FLI1: variants seen among roughly 807,000 people sequenced by gnomAD.
FLI1 encodes Fli-1 proto-oncogene, ETS transcription factor.
In FLI1, 13 loss-of-function variants were observed where a neutral mutation model predicts 53.1. The ratio of observed to expected loss-of-function variants is 0.24; its 90% CI spans 0.16 to 0.39. FLI1 has a LOEUF of 0.39. FLI1 is among the 10% of genes least tolerant of loss of function. The pLI, the probability that FLI1 is intolerant of heterozygous loss-of-function variation, is 1.00. For missense variants in FLI1, 424 were observed against 600.5 expected, an observed-to-expected ratio of 0.71 and a Z score of 3.07; for synonymous variants, 244 against 236.7, an observed-to-expected ratio of 1.03 and a Z score of -0.28.
At chr11:128,701,307 T>C (rs1454521401) in intron 1 of FLI1, among the ~76,000 whole-genome samples, 1 of 148,686 alleles carries the variant, frequency 6.7e-6, no homozygotes, top group African/African-American at 2.5e-5. Context: ...AGTCAGCAGA[T>C]AGTGCTTGAG....
Position 128,799,050 on chromosome 11 carries a change from TTA to T in FLI1, c.656-6314_656-6313del, listed in dbSNP as rs1350917127. Among the ~76,000 whole-genome samples the T allele has an allele frequency of 6.8e-3, 934 of 137,258 alleles. 32 individuals carry two copies. Among genetic ancestry groups the T allele is most frequent in the African/African-American group, 0.022 (753 of 34,312 alleles). The allele number at this position is 137,258 out of a possible 152,430, so 90.0% of individuals were successfully genotyped here. A position where few individuals can be genotyped will look rare whatever the true frequency, so the allele number is the denominator to read the frequency against. On this transcript the variant is annotated intron_variant, in intron 5 of 8. Coordinates refer to ENST00000527786, the MANE Select transcript of FLI1 (RefSeq NM_002017.5). ...ATTATTATTATTATTATTATTATTATTATTTTGCTTTGGAGACAGGATCTCAC... is the reference window on the plus strand; with the variant it reads ...ATTATTATTATTATTATTATTATTATTTTTGCTTTGGAGACAGGATCTCAC...
At chr11:128,770,898 A>G (rs1309276027) in intron 3 of FLI1, among the ~76,000 whole-genome samples, 1 of 152,206 alleles carries the variant, frequency 6.6e-6, no homozygotes, top group Non-Finnish European at 1.5e-5. Flanking sequence ...TACTTGTACA[A>G]TGACACTTTA....
At chr11:128,715,746 G>A (rs1191989168) in intron 1 of FLI1, among the ~76,000 whole-genome samples, 1 of 152,172 alleles carries the variant, frequency 6.6e-6, no homozygotes. Context: ...TTGAATTCAA[G>A]GCAGAGGAAA....
At chr11:128,712,414 T>C (rs1468671122) in intron 1 of FLI1, among the ~76,000 whole-genome samples, 1 of 152,176 alleles carries the variant, frequency 6.6e-6, no homozygotes, top group Non-Finnish European at 1.5e-5. Flanking sequence ...GATATTCCGT[T>C]ATAGCTACAG....
intron 1 of FLI1, among the ~76,000 whole-genome samples, chr11:128,753,544 C>T (rs867465013): frequency 5.3e-5 from 8 of 152,180 alleles, no homozygotes; most frequent in African/African-American, 1.7e-4. Context: ...ATGATTTATC[C>T]GTGGAAAGTT....
chr11:128,754,359 T>C (rs901002733), intron 1 of FLI1, among the ~76,000 whole-genome samples: 1 of 151,752 alleles, frequency 6.6e-6, no homozygotes, highest in Non-Finnish European at 1.5e-5. Context: ...AAAGGTTTCA[T>C]GGAAACAGGA....
chr11:128,788,722 T>C (rs948076917), intron 5 of FLI1, among the ~76,000 whole-genome samples: 1 of 152,124 alleles, frequency 6.6e-6, no homozygotes, highest in African/African-American at 2.4e-5. Flanking sequence ...GACAAATATA[T>C]ACAATTATTC....
intron 1 of FLI1, among the ~76,000 whole-genome samples, chr11:128,748,822 A>G (rs1940525373): frequency 6.6e-6 from 1 of 152,156 alleles, no homozygotes; most frequent in Non-Finnish European, 1.5e-5. Context: ...GGCAAGTAGC[A>G]AACCTCTTTA....
upstream of FLI1, among the ~76,000 whole-genome samples, chr11:128,692,314 G>A (rs182425487): frequency 6.6e-6 from 1 of 152,148 alleles, no homozygotes; most frequent in Non-Finnish European, 1.5e-5. Context: ...CCAGGCAAAG[G>A]GGGGGACTGA....
intron 5 of FLI1, among the ~76,000 whole-genome samples, chr11:128,799,160 T>C (rs776321500): frequency 6.6e-5 from 10 of 152,040 alleles, no homozygotes; most frequent in Admixed American, 2.0e-4. Context: ...TCCTCCCACC[T>C]TGGCCTCCCA....
intron 1 of FLI1, among the ~76,000 whole-genome samples, chr11:128,694,991 T>A (rs1937984753): frequency 6.6e-6 from 1 of 151,568 alleles, no homozygotes; most frequent in Non-Finnish European, 1.5e-5. Flanking sequence ...TCCGCACAGA[T>A]CCCTAGCGCC....
intron 5 of FLI1, among the ~76,000 whole-genome samples, chr11:128,787,132 G>C (rs1167312725): frequency 3.9e-5 from 6 of 152,190 alleles, no homozygotes; most frequent in Non-Finnish European, 8.8e-5. Flanking sequence ...ATGTTAACGA[G>C]AGGCTGGCTT....
chr11:128,727,002 C>CA (rs1939514421), intron 1 of FLI1, among the ~76,000 whole-genome samples: 2 of 152,012 alleles, frequency 1.3e-5, no homozygotes, highest in Admixed American at 1.3e-4. Context: ...ATACTGATTG[C>CA]ATGGTGGCCC....
chr11:128,689,450 G>T (rs1422051103), upstream of FLI1, among the ~76,000 whole-genome samples: 2 of 152,160 alleles, frequency 1.3e-5, no homozygotes, highest in Non-Finnish European at 2.9e-5. Context: ...TTATCAGCCT[G>T]AGGATTGGGC....
chr11:128,766,418 G>A (rs188252969), intron 2 of FLI1, among the ~76,000 whole-genome samples: 61 of 152,242 alleles, frequency 4.0e-4, no homozygotes, highest in Non-Finnish European at 6.5e-4. Context: ...ACATGTGTGA[G>A]TTATACATCT....
intron 5 of FLI1, 168 bp from the exon 6 acceptor site, chr11:128,805,198 G>A (rs1942744759): frequency 3.9e-6 from 2 of 509,454 alleles, no homozygotes; most frequent in Non-Finnish European, 6.9e-6. Context: ...AAGTCAGAGT[G>A]TTAATATTCC....
intron 5 of FLI1, among the ~76,000 whole-genome samples, chr11:128,782,828 C>T (rs1232103110): frequency 1.3e-5 from 2 of 152,186 alleles, no homozygotes; most frequent in Non-Finnish European, 2.9e-5. Flanking sequence ...TTTTAGTACA[C>T]GTCACAATAG....
At chr11:128,687,079 T>C (rs1438055588) in intron 1 of FLI1, among the ~76,000 whole-genome samples, 1 of 152,252 alleles carries the variant, frequency 6.6e-6, no homozygotes, top group Non-Finnish European at 1.5e-5. Context: ...AGCGCGTCTG[T>C]GCATGTGTGC....
chr11:128,736,219 GAGCTGTAGGCATTCATTCATATATGCA>G (rs1395870759), intron 1 of FLI1, among the ~76,000 whole-genome samples: 1 of 134,846 alleles, frequency 7.4e-6, no homozygotes, highest in East Asian at 2.4e-4. Flanking sequence ...CCTTTCCGAA[GAGCTGTAGGCATTCATTCATATATGCA>G]GAGCAATCAG....
Sources: gnomAD v4.1 joint callset for allele counts (sites outside exome capture counted in the v4.1 genomes callset) on GRCh38, gnomAD v4.1.1 for gene constraint, MANE v1.5 for transcripts, NCBI Gene and HGNC (gene_info 2026-07-23, HGNC 2026-07-21) for gene names.